Variants in CD300LF observed in about 807,000 individuals in gnomAD.
CD300LF encodes the protein CD300 molecule like family member f.
A neutral mutation model predicts 32.2 loss-of-function variants in CD300LF; 27 were observed. That is an observed-to-expected ratio of 0.84 (90% CI 0.62 to 1.15). The LOEUF (loss-of-function observed/expected upper bound fraction) is 1.15, where lower values mean the gene tolerates loss of function less well. Ranked by LOEUF, CD300LF falls within the 50% of genes most tolerant of loss-of-function variation. The probability of loss-of-function intolerance (pLI) is 0.00; values close to 1 mark genes in which losing one functional copy is unlikely to be tolerated. For synonymous variants in CD300LF, 139 were observed against 143.2 expected (o/e 0.97, Z 0.21); for missense variants, 348 against 356.8 (o/e 0.98, Z 0.20).
In CD300LF at chr17:74,698,380, T is replaced by G. The variant is rs1032015009; in HGVS notation, c.548A>C (p.Tyr183Ser). The change falls in exon 4 of 7, where the codon TAC becomes TCC. Residue 183 changes from tyrosine (Y) to serine (S), a missense_variant. Coordinates refer to ENST00000326165, the MANE Select transcript of CD300LF (RefSeq NM_139018.5). ...ASLLAWRMMK[Y>S]QQKAAGMSPE... ...CCAGGTCCTCTCACCTTTCTGCTGGTACTTCATCATCCTCCAAGCCAAGAG... is the reference window on the plus strand; with the variant it reads ...CCAGGTCCTCTCACCTTTCTGCTGGGACTTCATCATCCTCCAAGCCAAGAG... The G allele has an allele frequency of 3.7e-6, 6 of 1,612,406 alleles. No homozygotes were observed. The highest frequency in any genetic ancestry group is 5.1e-6 in the Non-Finnish European group (6 of 1,178,858).
At position 74,695,777 on chromosome 17, in the gene CD300LF, G is replaced by A. The variant is rs765481112; in HGVS notation, c.665C>T (p.Thr222Met). The A allele has an allele frequency of 3.2e-5, 52 of 1,614,032 alleles. No individual in the cohort carries two copies. The highest frequency in any genetic ancestry group is 1.3e-4 in the South Asian group (12 of 91,092). ...LAGTSPQKATTKLSSAQVDQV... is the reference protein window; with the variant it reads ...LAGTSPQKATMKLSSAQVDQV... The stretch of plus-strand genomic sequence containing the variant: ...GTCAACCTGGGCAGAGGAAAGCTTC[G>A]TGGTAGCCTTTTGCGGGGAGGTTCC... The change falls in exon 6 of 7, where the codon ACG (threonine) becomes ATG (methionine). Residue 222 changes from threonine to methionine, a missense_variant. Transcript: ENST00000326165.
intron 3 of CD300LF, among the ~76,000 whole-genome samples, chr17:74,702,016 C>A: frequency 6.7e-6 from 1 of 149,886 alleles, no homozygotes; most frequent in African/African-American, 2.5e-5. Flanking sequence ...GCAAGACTGT[C>A]TAAAAATAAA....
intron 1 of CD300LF, among the ~76,000 whole-genome samples, chr17:74,711,551 A>G (rs1043917714): frequency 3.3e-5 from 5 of 152,098 alleles, no homozygotes; most frequent in African/African-American, 7.3e-5. Flanking sequence ...CTTTTCTCCA[A>G]TCTGTCCCAC....
At chr17:74,701,642 G>A (rs955059216) in intron 3 of CD300LF, among the ~76,000 whole-genome samples, 1 of 152,160 alleles carries the variant, frequency 6.6e-6, no homozygotes, top group Non-Finnish European at 1.5e-5. Flanking sequence ...CAAATCACTT[G>A]AGGACAGGAG....
chr17:74,711,534 C>A (rs2033961932), intron 1 of CD300LF, among the ~76,000 whole-genome samples: 1 of 152,196 alleles, frequency 6.6e-6, no homozygotes, highest in South Asian at 2.1e-4. Flanking sequence ...ACTTTCTTCC[C>A]CAAGACCTTT....
At chr17:74,706,806 T>G (rs2033559051) in intron 1 of CD300LF, among the ~76,000 whole-genome samples, 1 of 152,132 alleles carries the variant, frequency 6.6e-6, no homozygotes, top group African/African-American at 2.4e-5. Context: ...AGGGTATCCA[T>G]GCGAAGGCAC....
chr17:74,701,573 A>G (rs968411546), intron 3 of CD300LF, among the ~76,000 whole-genome samples: 4 of 152,202 alleles, frequency 2.6e-5, no homozygotes, highest in Admixed American at 6.5e-5. Flanking sequence ...AAAGAAAAAT[A>G]GGGACAAAGC....
intron 3 of CD300LF, among the ~76,000 whole-genome samples, chr17:74,700,376 A>G (rs1876840313): frequency 1.3e-5 from 2 of 151,630 alleles, no homozygotes; most frequent in South Asian, 4.2e-4. Flanking sequence ...TTCCAGTTGC[A>G]TTTTTCTCCA....
intron 2 of CD300LF, 129 bp from the exon 3 acceptor site, chr17:74,703,227 C>A: frequency 8.7e-7 from 1 of 1,144,992 alleles, no homozygotes. Context: ...CAGCTCTGAG[C>A]CTGGGCGGGG....
chr17:74,703,288 C>T, intron 2 of CD300LF, 190 bp from the exon 3 acceptor site: 1 of 633,114 alleles, frequency 1.6e-6, no homozygotes, highest in East Asian at 2.9e-5. Context: ...ACTCATGTCT[C>T]CCTGGTCTCT....
Position 74,712,760 on chromosome 17 carries a change from C to G in CD300LF, c.43+64G>C, listed in dbSNP as rs559558127. On this transcript the variant is annotated intron_variant, in intron 1 of 6. Transcript: ENST00000326165. ...ACCTTCTGGCCGGGTCCCTTCTTCC[C>G]TCTCTCAGCCACCTCCTCCTGCTTG... 6.3e-6 allele frequency: 10 copies of G among 1,583,234 alleles called. No homozygotes were observed. The African/African-American group carries it at 1.1e-4, about 17-fold the overall frequency.
At chr17:74,708,083 A>G (rs555700698) in intron 1 of CD300LF, among the ~76,000 whole-genome samples, 21 of 150,946 alleles carry the variant, frequency 1.4e-4, no homozygotes, top group Admixed American at 1.4e-3. Flanking sequence ...AGGAGGTGGA[A>G]GTTTCAGTGA....
In CD300LF at chr17:74,703,245, C is replaced by A. The variant is rs749780; in HGVS notation, c.383-147G>T. The stretch of plus-strand genomic sequence containing the variant: ...CTCTGAGCCTGGGCGGGGGTCTGGA[C>A]TGCTACTATGGGAAGGGGCTGCAGC... On this transcript the variant is annotated intron_variant, in intron 2 of 6. Coordinates refer to ENST00000326165, the MANE Select transcript of CD300LF (RefSeq NM_139018.5). 0.67 allele frequency: 613,072 copies of A among 918,594 alleles called. 216,342 individuals are homozygous for A. The highest frequency in any genetic ancestry group is 0.8 in the Middle Eastern group (2,282 of 2,840). The allele number at this position is 918,594 out of a possible 1,614,324, so 56.9% of individuals were successfully genotyped here.
chr17:74,696,051 C>T, intron 5 of CD300LF, 144 bp downstream of exon 5: 1 of 1,261,476 alleles, frequency 7.9e-7, no homozygotes, highest in Non-Finnish European at 1.1e-6. Flanking sequence ...AGGCCCTCAG[C>T]CCCCAGGCCC....
At position 74,696,177 on chromosome 17, in the gene CD300LF, C is replaced by A. The variant is rs759857167; in HGVS notation, c.582+18G>T. On this transcript the variant is annotated intron_variant, in intron 5 of 6. Coordinates refer to ENST00000326165, the MANE Select transcript of CD300LF (RefSeq NM_139018.5). ...AAGCTGCCTGGTCTCTCTGGTCCGA[C>A]CTTGGGGGCTATCTTACCTGCTCTG... 8 of 1,599,428 alleles carry A rather than the reference C, an allele frequency of 5.0e-6. No homozygotes were observed. The highest frequency in any genetic ancestry group is 2.2e-5 in the South Asian group (2 of 88,914).
chr17:74,696,260 C>T, intron 4 of CD300LF, 43 bp from the exon 5 acceptor site: 1 of 1,583,468 alleles, frequency 6.3e-7, no homozygotes, highest in Non-Finnish European at 8.6e-7. Flanking sequence ...GCCCATTCCC[C>T]AGACTCACAA....
At chr17:74,710,675 A>T (rs1405940959) in intron 1 of CD300LF, among the ~76,000 whole-genome samples, 1 of 151,256 alleles carries the variant, frequency 6.6e-6, no homozygotes, top group East Asian at 2.0e-4. Flanking sequence ...CCTAACCAAC[A>T]TGGTAAAACC....
intron 1 of CD300LF, among the ~76,000 whole-genome samples, chr17:74,707,816 G>T (rs994888517): frequency 1.6e-4 from 25 of 151,654 alleles, no homozygotes; most frequent in Admixed American, 1.4e-3. Flanking sequence ...AATAATAAAA[G>T]GATATTTAAA....
At chr17:74,704,306 G>C in intron 2 of CD300LF, 172 bp downstream of exon 2, 1 of 607,698 alleles carries the variant, frequency 1.6e-6, no homozygotes, top group East Asian at 2.7e-5. Flanking sequence ...AGCCATGGGG[G>C]CATTGAAGAG....
Sources: allele counts gnomAD v4.1 joint callset (sites outside exome capture counted in the v4.1 genomes callset), GRCh38; gene constraint gnomAD v4.1.1; transcripts MANE v1.5; gene names NCBI Gene and HGNC (gene_info 2026-07-23, HGNC 2026-07-21).